The following USP47 variants were observed in gnomAD, a reference collection of about 807,000 sequenced individuals.
USP47 encodes the protein ubiquitin carboxyl-terminal hydrolase 47.
Under a neutral mutation model 165.1 loss-of-function variants are expected in USP47, and 35 were observed. The ratio of observed to expected loss-of-function variants is 0.21; its 90% confidence interval spans 0.16 to 0.28. The LOEUF (loss-of-function observed/expected upper bound fraction) is 0.28. Among genes scored for constraint, USP47 ranks in the 10% least tolerant of loss-of-function variants. The pLI, the probability that USP47 is intolerant of heterozygous loss-of-function variation, is 1.00. For synonymous variants in USP47, 531 were observed against 544.5 expected (o/e 0.98, Z 0.35); for missense variants, 1,277 against 1,607.4 (o/e 0.79, Z 3.52).
At position 11,960,351 on chromosome 11, in the gene USP47, G is replaced by A. The variant is rs939350218; in HGVS notation, c.*4176G>A. Among the ~76,000 whole-genome samples, 1 of 152,130 alleles carries A rather than the reference G, an allele frequency of 6.6e-6. No homozygotes were observed. Among genetic ancestry groups the A allele is most frequent in the African/African-American group, 2.4e-5 (1 of 41,428 alleles). ...TAGTAACTTTTTTGTAGACATGAAG[G>A]TAGATGCCCTGCAGGTCCTATCAGC... On this transcript the variant is annotated 3_prime_UTR_variant, in exon 28 of 28. Coordinates refer to ENST00000527733, the MANE Select transcript of USP47 (RefSeq NM_001282659.2).
At chr11:11,879,934 A>G (rs538434728) in intron 1 of USP47, among the ~76,000 whole-genome samples, 87 of 152,142 alleles carry the variant, frequency 5.7e-4, no homozygotes, top group Non-Finnish European at 1.1e-3. Flanking sequence ...AATATCTCCA[A>G]AAATGATTGT....
intron 19 of USP47, among the ~76,000 whole-genome samples, chr11:11,941,729 A>G (rs1855487484): frequency 1.3e-5 from 2 of 152,056 alleles, no homozygotes; most frequent in Non-Finnish European, 2.9e-5. Flanking sequence ...AAAAATGACA[A>G]TTACATTATA....
chr11:11,940,968 A>G (rs957557204), intron 19 of USP47, among the ~76,000 whole-genome samples: 1 of 151,964 alleles, frequency 6.6e-6, no homozygotes, highest in Non-Finnish European at 1.5e-5. Flanking sequence ...CATACCTGGT[A>G]TAGAGAAAAT....
At chr11:11,946,445 T>C (rs1389516880) in intron 20 of USP47, among the ~76,000 whole-genome samples, 1 of 152,206 alleles carries the variant, frequency 6.6e-6, no homozygotes, top group Non-Finnish European at 1.5e-5. Flanking sequence ...AATAAAAGCT[T>C]GTATTTGAGT....
intron 25 of USP47, among the ~76,000 whole-genome samples, chr11:11,953,609 C>CTT (rs1856363596): frequency 6.6e-6 from 1 of 151,922 alleles, no homozygotes. Flanking sequence ...AGACAATAAA[C>CTT]TAGGAGGAAA....
chr11:11,872,031 G>GCCC (rs1850102411), intron 1 of USP47, among the ~76,000 whole-genome samples: 1 of 152,172 alleles, frequency 6.6e-6, no homozygotes, highest in Non-Finnish European at 1.5e-5. Flanking sequence ...ATAACAATCT[G>GCCC]CCCCCAGATC....
intron 17 of USP47, among the ~76,000 whole-genome samples, chr11:11,937,804 T>TA (rs1350216865): frequency 6.6e-6 from 1 of 151,970 alleles, no homozygotes; most frequent in Non-Finnish European, 1.5e-5. Flanking sequence ...TTAAAACAGA[T>TA]ACAGAATAAC....
At chr11:11,921,125 T>C (rs1406410201) in intron 10 of USP47, among the ~76,000 whole-genome samples, 7 of 151,840 alleles carry the variant, frequency 4.6e-5, no homozygotes, top group Non-Finnish European at 8.9e-5. Flanking sequence ...ACTTACAATA[T>C]TCCACTCTAT....
At chr11:11,876,276 T>G (rs1359959750) in intron 1 of USP47, among the ~76,000 whole-genome samples, 1 of 151,998 alleles carries the variant, frequency 6.6e-6, no homozygotes, top group Non-Finnish European at 1.5e-5. Flanking sequence ...GACTAAAAAT[T>G]TTTGCTCCCT....
chr11:11,920,469 G>T lies in USP47; in HGVS notation c.1193G>T (p.Ser398Ile), dbSNP rs755836710. The T allele has an allele frequency of 5.6e-6, 9 of 1,607,922 alleles. No homozygotes were observed. Among genetic ancestry groups the T allele is most frequent in the Non-Finnish European group, 7.6e-6 (9 of 1,177,106 alleles). ...RMTFPEELDM[S>I]TFIDVEDEKS... ...ACATTTCCCGAGGAACTAGATATGA[G>T]TACTTTTATTGATGTTGAAGATGAG... The change falls in exon 10 of 28, where the codon AGT (serine) becomes ATT (isoleucine). Residue 398 changes from serine (S) to isoleucine (I), a missense_variant. Around this residue, in one of 4 missense-constraint regions of USP47, gnomAD observed 175 missense variants for 295.8 expected, o/e 0.59. Coordinates refer to ENST00000527733, the MANE Select transcript of USP47 (RefSeq NM_001282659.2).
At chr11:11,936,197 G>T in intron 16 of USP47, 106 bp from the exon 17 acceptor site, 2 of 532,714 alleles carry the variant, frequency 3.8e-6, no homozygotes, top group Non-Finnish European at 5.3e-6. Flanking sequence ...AGGGCCTATT[G>T]TAATGTTATT....
At chr11:11,891,499 G>T (rs951827904) in intron 3 of USP47, among the ~76,000 whole-genome samples, 2 of 152,020 alleles carry the variant, frequency 1.3e-5, no homozygotes, top group African/African-American at 4.8e-5. Flanking sequence ...ATTAATTTAG[G>T]GAACTCTGGA....
At chr11:11,915,538 A>G (rs1242202073) in intron 8 of USP47, among the ~76,000 whole-genome samples, 1 of 152,230 alleles carries the variant, frequency 6.6e-6, no homozygotes, top group Non-Finnish European at 1.5e-5. Flanking sequence ...AGATAGGTGT[A>G]TGAATGCCAA....
At chr11:11,927,851 ACTTTC>A (rs1430147052) in intron 11 of USP47, among the ~76,000 whole-genome samples, 2 of 152,088 alleles carry the variant, frequency 1.3e-5, no homozygotes, top group Admixed American at 6.6e-5. Context: ...AAGGCACTTT[ACTTTC>A]CTTCCTACTT....
chr11:11,942,223 C>T, intron 19 of USP47, 112 bp from the exon 20 acceptor site: 2 of 1,201,950 alleles, frequency 1.7e-6, no homozygotes, highest in Non-Finnish European at 2.3e-6. Context: ...TATATCATCA[C>T]ACATGTTATA....
At chr11:11,906,217 G>A (rs187748839) in intron 8 of USP47, among the ~76,000 whole-genome samples, 2 of 152,026 alleles carry the variant, frequency 1.3e-5, no homozygotes, top group Admixed American at 1.3e-4. Flanking sequence ...TATACGACAG[G>A]AAAATAATGG....
chr11:11,930,729 G>C lies in USP47; in HGVS notation c.1629G>C (p.Leu543=). ...ATGCATATATGCTGATCTATAGACT[G>C]AAGGATCCAGCCAGAAATGCAAGTA... ...STNAYMLIYR[L]KDPARNAKFL... The change falls in exon 14 of 28, where the codon CTG becomes CTC. Residue 543 remains leucine, a synonymous_variant. Transcript: ENST00000527733. 1 of 1,604,848 alleles carries C rather than the reference G, an allele frequency of 6.2e-7. No individual in the cohort carries two copies.
chr11:11,920,367 A>G lies in USP47; in HGVS notation c.1091A>G (p.Tyr364Cys). Residue 364 changes from tyrosine to cysteine, a missense_variant, in exon 10 of 28, where the codon TAT becomes TGT. By Grantham distance (194) the Tyr-to-Cys change is radical. Around this residue, in one of 4 missense-constraint regions of USP47, gnomAD observed 175 missense variants for 295.8 expected, o/e 0.59. Transcript: ENST00000527733. ...GGCCTTCGGTTTTTGCATTTTCCTT[A>G]TCTGCTGACCTTACAGCTGAAAAGA... ...RKGLRFLHFP[Y>C]LLTLQLKRFD... is the part of the protein sequence containing the mutation. 6.2e-7 allele frequency: 1 copy of G among 1,608,936 alleles called. No homozygotes were observed. Among genetic ancestry groups the G allele is most frequent in the Non-Finnish European group, 8.5e-7 (1 of 1,177,676 alleles).
rs552923203 is a variant in USP47, at chr11:11,882,498, G to A, written c.244-1969G>A. On this transcript the variant is annotated intron_variant, in intron 2 of 27. Transcript: ENST00000527733. ...AAATTAACCAGTAAAATTGGTAGTC[G>A]GACAAGACATAGAAAGATAAACAAT... Among the ~76,000 whole-genome samples, 22 of 152,022 alleles carry A rather than the reference G, an allele frequency of 1.4e-4. No individual in the cohort carries two copies. The South Asian group carries it at 3.1e-3, about 22-fold the overall frequency.
Sources: allele counts gnomAD v4.1 joint callset (sites outside exome capture counted in the v4.1 genomes callset), GRCh38; gene constraint gnomAD v4.1.1; regional missense constraint gnomAD v4.1.1; transcripts MANE v1.5; gene names NCBI Gene and HGNC (gene_info 2026-07-23, HGNC 2026-07-21).